ASIC2: variants seen among roughly 807,000 people sequenced by gnomAD.
The protein encoded by ASIC2 is acid sensing ion channel subunit 2, also known as acid-sensing ion channel 2.
Under a neutral mutation model 57.3 loss-of-function variants are expected in ASIC2, and 25 were observed. That is an observed-to-expected ratio of 0.44 (90% CI 0.32 to 0.61). The LOEUF is 0.61. Ranked by LOEUF, ASIC2 falls within the 20% of genes least tolerant of loss-of-function variation. ASIC2 has a pLI of 0.06. For missense variants in ASIC2, 641 were observed against 738.1 expected, an observed-to-expected ratio of 0.87 and a Z score of 1.52; for synonymous variants, 319 against 307.5, an observed-to-expected ratio of 1.04 and a Z score of -0.39.
At chr17:33,058,519 CCAAACAT>C (rs2141936445) in intron 3 of ASIC2, among the ~76,000 whole-genome samples, 2 of 147,428 alleles carry the variant, frequency 1.4e-5, no homozygotes, top group South Asian at 4.4e-4. Flanking sequence ...ACAAAAAACA[CCAAACAT>C]CTTTTTGCTT....
chr17:33,015,062 T>C (rs1270026982), intron 9 of ASIC2, among the ~76,000 whole-genome samples: 1 of 152,170 alleles, frequency 6.6e-6, no homozygotes, highest in Non-Finnish European at 1.5e-5. Flanking sequence ...CCCACTTCCG[T>C]TCCACAGAGG....
chr17:33,995,738 T>C (rs1200816463), intron 1 of ASIC2, among the ~76,000 whole-genome samples: 1 of 152,166 alleles, frequency 6.6e-6, no homozygotes, highest in Non-Finnish European at 1.5e-5. Context: ...CCACATTTTC[T>C]TTATTCATTC....
In ASIC2 at chr17:33,269,732, CTCCT is replaced by C. The variant is rs1212698401; in HGVS notation, c.708+21672_708+21675del. Among the ~76,000 whole-genome samples, 11 of 21,028 alleles carry C rather than the reference CTCCT, an allele frequency of 5.2e-4. 1 individual carries two copies. The highest frequency in any genetic ancestry group is 1.5e-3 in the African/African-American group (7 of 4,554). 13.8% of individuals were successfully genotyped at this position (21,028 alleles called of 152,430 possible). ...CTGCCTTTCCTCCCTTCCTCCCTCC[CTCCT>C]TCCTTCCTTCCTTCTTTCCTTCCTT... On this transcript the variant is annotated intron_variant, in intron 1 of 9. Transcript: ENST00000225823.
upstream of ASIC2, among the ~76,000 whole-genome samples, chr17:33,297,823 A>AAAAT (rs200008797): frequency 0.11 from 15,780 of 141,418 alleles, 910 homozygotes; most frequent in South Asian, 0.16. Flanking sequence ...ACCCTGTCTC[A>AAAAT]AAATAAATAA....
intron 1 of ASIC2, among the ~76,000 whole-genome samples, chr17:33,930,220 C>T (rs1567759221): frequency 1.3e-5 from 2 of 152,218 alleles, no homozygotes; most frequent in Non-Finnish European, 2.9e-5. Flanking sequence ...TTACGGGTTT[C>T]CCCTGCCTTT....
intron 1 of ASIC2, among the ~76,000 whole-genome samples, chr17:33,329,184 G>A (rs999680866): frequency 5.3e-5 from 8 of 152,182 alleles, no homozygotes; most frequent in Admixed American, 5.2e-4. Flanking sequence ...TATTGATTGT[G>A]TGATGGTGGT....
chr17:33,252,175 C>T (rs575228229), intron 1 of ASIC2, among the ~76,000 whole-genome samples: 22 of 152,308 alleles, frequency 1.4e-4, no homozygotes, highest in Admixed American at 1.2e-3. Flanking sequence ...GTTCATGTCC[C>T]ACCCTCTTTA....
intron 1 of ASIC2, among the ~76,000 whole-genome samples, chr17:33,220,105 G>C (rs1907636052): frequency 6.6e-6 from 1 of 152,206 alleles, no homozygotes. Context: ...ATATGGCACT[G>C]TTAGTGGAAG....
chr17:33,376,073 A>G (rs9896958), intron 1 of ASIC2, among the ~76,000 whole-genome samples: 49,534 of 151,944 alleles, frequency 0.33, 8,472 homozygotes, highest in Middle Eastern at 0.39. Context: ...AATTGTTAGT[A>G]TATGTTTGGT....
chr17:33,563,472 A>G (rs1022627160), intron 1 of ASIC2, among the ~76,000 whole-genome samples: 2 of 151,982 alleles, frequency 1.3e-5, no homozygotes, highest in Non-Finnish European at 2.9e-5. Context: ...GTATAGCTCT[A>G]CCTCCTCCTG....
intron 1 of ASIC2, among the ~76,000 whole-genome samples, chr17:33,282,082 A>G (rs1904973015): frequency 2.0e-5 from 3 of 152,232 alleles, no homozygotes; most frequent in African/African-American, 7.2e-5. Flanking sequence ...TTCTGCTTCA[A>G]AATTACCCAG....
chr17:33,989,603 A>G (rs1175181924), intron 1 of ASIC2, among the ~76,000 whole-genome samples: 1 of 152,144 alleles, frequency 6.6e-6, no homozygotes, highest in African/African-American at 2.4e-5. Context: ...CAGGTAATTC[A>G]GTTGACTCAG....
intron 3 of ASIC2, among the ~76,000 whole-genome samples, chr17:33,079,624 G>A (rs562723344): frequency 2.6e-5 from 4 of 152,140 alleles, no homozygotes; most frequent in Non-Finnish European, 5.9e-5. Context: ...GAGGGACAGA[G>A]TGAGCACTGG....
intron 1 of ASIC2, among the ~76,000 whole-genome samples, chr17:33,874,905 G>A (rs977773693): frequency 6.6e-6 from 1 of 152,178 alleles, no homozygotes; most frequent in Non-Finnish European, 1.5e-5. Context: ...GACCAGTCTT[G>A]CCCCTCCTTC....
At chr17:33,248,745 C>T (rs952056922) in intron 1 of ASIC2, among the ~76,000 whole-genome samples, 5 of 152,240 alleles carry the variant, frequency 3.3e-5, no homozygotes, top group African/African-American at 9.6e-5. Context: ...ACATTCTCCT[C>T]CTCTCTGTAT....
At chr17:34,100,619 C>T (rs1012328187) in intron 1 of ASIC2, among the ~76,000 whole-genome samples, 1 of 152,202 alleles carries the variant, frequency 6.6e-6, no homozygotes, top group Non-Finnish European at 1.5e-5. Flanking sequence ...ACAGGACTCA[C>T]AGAAGACATG....
chr17:33,702,076 T>G (rs1315874346), intron 1 of ASIC2, among the ~76,000 whole-genome samples: 1 of 152,214 alleles, frequency 6.6e-6, no homozygotes, highest in Non-Finnish European at 1.5e-5. Flanking sequence ...CTTCTTCCTT[T>G]CATTCCTCTT....
In ASIC2 at chr17:33,867,498, C is replaced by T. The variant is rs1441663129; in HGVS notation, c.555+288480G>A. ...AGTAAGATTAACAATCATCTCCATC[C>T]AATTCCAAAGACTGGGCCCTTTTGC... On this transcript the variant is annotated intron_variant, in intron 1 of 9. Transcript: ENST00000359872. 2.6e-5 allele frequency among the ~76,000 whole-genome samples: 4 copies of T among 152,334 alleles called. No individual in the cohort carries two copies. In the South Asian group the frequency reaches 6.2e-4, roughly 24 times the overall value.
chr17:34,107,209 T>C (rs1349525548), intron 1 of ASIC2, among the ~76,000 whole-genome samples: 1 of 152,074 alleles, frequency 6.6e-6, no homozygotes, highest in Non-Finnish European at 1.5e-5. Context: ...CATTTACACA[T>C]CTACTCTTTT....
Sources: allele counts gnomAD v4.1 joint callset (sites outside exome capture counted in the v4.1 genomes callset), GRCh38; gene constraint gnomAD v4.1.1; transcripts MANE v1.5; gene names NCBI Gene and HGNC (gene_info 2026-07-23, HGNC 2026-07-21).